The following SASH1 variants were observed in gnomAD, a reference collection of about 807,000 sequenced individuals.
SASH1 encodes the protein SAM and SH3 domain-containing protein 1.
In SASH1, 44 loss-of-function variants were observed where a neutral mutation model predicts 125.2. The ratio of observed to expected loss-of-function variants is 0.35; its 90% CI spans 0.28 to 0.45. The LOEUF is 0.45. SASH1 is among the 20% of genes least tolerant of loss of function. The probability of loss-of-function intolerance (pLI) is 1.00; values close to 1 mark genes in which losing one functional copy is unlikely to be tolerated. For missense variants in SASH1, 1,426 were observed against 1,614.5 expected (o/e 0.88, Z 2.00); for synonymous variants, 639 against 649.1 (o/e 0.98, Z 0.24).
the SASH1 span, among the ~76,000 whole-genome samples, chr6:148,225,956 T>G: frequency 6.6e-6 from 1 of 152,242 alleles, no homozygotes; most frequent in African/African-American, 2.4e-5. Context: ...GTTTAGCATT[T>G]TTGCTCTCAT....
chr6:148,220,381 C>G, the SASH1 span, among the ~76,000 whole-genome samples: 5 of 152,182 alleles, frequency 3.3e-5, no homozygotes, highest in East Asian at 9.6e-4. Context: ...TCTTGTAAGG[C>G]ACTAATCCAT....
At chr6:148,197,564 C>A in the SASH1 span, among the ~76,000 whole-genome samples, 12 of 152,346 alleles carry the variant, frequency 7.9e-5, no homozygotes, top group African/African-American at 2.4e-4. Context: ...CTCCTGCCAC[C>A]TGGAGCATTC....
chr6:148,443,143 GAAAAAAAAAAA>G (rs3035290), intron 4 of SASH1, among the ~76,000 whole-genome samples: 182 of 129,406 alleles, frequency 1.4e-3, no homozygotes, highest in African/African-American at 3.9e-3. Flanking sequence ...GCACTTTTTA[GAAAAAAAAAAA>G]AAAAAAAAAA....
chr6:148,242,264 AG>A, the SASH1 span, among the ~76,000 whole-genome samples: 19 of 152,244 alleles, frequency 1.2e-4, no homozygotes, highest in Non-Finnish European at 2.4e-4. Context: ...AGAAACAGAA[AG>A]GGTGGGAAAA....
Position 148,449,083 on chromosome 6 carries a change from T to TCTTTTTTTTTTTC in SASH1, c.386+8676_386+8677insCTTTTTTTTTTTC, listed in dbSNP as rs1554258784. On this transcript the variant is annotated intron_variant, in intron 4 of 19. Coordinates refer to ENST00000367467, the MANE Select transcript of SASH1 (RefSeq NM_015278.5). ...TGGCTAATTTCATTTCATTTCTTTT[T>TCTTTTTTTTTTTC]TTTTTTTTTTGGAGACAGAGTCTCA... is the stretch of plus-strand genomic sequence containing the variant. Among the ~76,000 whole-genome samples, 42 of 129,660 alleles carry TCTTTTTTTTTTTC rather than the reference T, an allele frequency of 3.2e-4. 1 individual carries two copies. The highest frequency in any genetic ancestry group is 4.1e-4 in the Non-Finnish European group (25 of 60,248). The allele number at this position is 129,660 out of a possible 152,430, so 85.1% of individuals were successfully genotyped here. A position where few individuals can be genotyped will look rare whatever the true frequency, so the allele number is the denominator to read the frequency against.
At chr6:148,363,379 T>C (rs1379552318) in intron 1 of SASH1, among the ~76,000 whole-genome samples, 3 of 151,998 alleles carry the variant, frequency 2.0e-5, no homozygotes, top group Non-Finnish European at 4.4e-5. Context: ...TGGGCTCCAA[T>C]GATGCGCCTG....
chr6:148,491,149 TATTTCAGCCTC>T lies in SASH1; in HGVS notation c.729+3435_729+3445del, dbSNP rs577034826. ...CTAGAATATCAAAATTGGTTGTACA[TATTTCAGCCTC>T]CTTGGAAATAGTGACCCCCTTGGGC... On this transcript the variant is annotated intron_variant, in intron 8 of 19. Transcript: ENST00000367467. Among the ~76,000 whole-genome samples, 8 of 152,378 alleles carry T rather than the reference TATTTCAGCCTC, an allele frequency of 5.3e-5. No individual in the cohort carries two copies. The South Asian group carries it at 1.2e-3, about 24-fold the overall frequency.
rs1169777728 is a variant in SASH1 at position 148,334,360 on chromosome 6, G to A, written n.75-55774G>A. On this transcript the variant is annotated intron_variant and non_coding_transcript_variant, in intron 1 of 3. Coordinates refer to the SASH1 transcript ENST00000367469. ...GGAGAATGGCGTGAACCCGGGAGGC[G>A]GAGCTTGCAGTGAGCCGAGATTGCG... Among the ~76,000 whole-genome samples the A allele has an allele frequency of 4.2e-5, 6 of 143,168 alleles. No homozygotes were observed. In the Admixed American group the frequency reaches 4.2e-4, roughly 10 times the overall value. The allele number at this position is 143,168 out of a possible 152,430, so 93.9% of individuals were successfully genotyped here.
chr6:148,351,211 T>C (rs1034809086), intron 1 of SASH1, among the ~76,000 whole-genome samples: 2 of 139,802 alleles, frequency 1.4e-5, no homozygotes, highest in South Asian at 2.4e-4. Context: ...TTTTTTTTTT[T>C]TTTCTGAAAG....
At chr6:148,309,196 G>C (rs929816297) in intron 1 of SASH1, among the ~76,000 whole-genome samples, 6 of 151,992 alleles carry the variant, frequency 3.9e-5, no homozygotes, top group African/African-American at 1.5e-4. Context: ...TATTCGGTGA[G>C]AACTGAAGGT....
intron 1 of SASH1, among the ~76,000 whole-genome samples, chr6:148,347,013 A>G (rs1781544760): frequency 6.6e-6 from 1 of 152,280 alleles, no homozygotes; most frequent in Admixed American, 6.5e-5. Flanking sequence ...TTTACTCCAT[A>G]GTTGGCAGAC....
At chr6:148,199,468 A>G in the SASH1 span, among the ~76,000 whole-genome samples, 1 of 152,122 alleles carries the variant, frequency 6.6e-6, no homozygotes, top group Non-Finnish European at 1.5e-5. Context: ...ACAGGATCCA[A>G]AAGGTTGGTA....
chr6:148,378,493 C>T (rs1018837788), intron 1 of SASH1, among the ~76,000 whole-genome samples: 5 of 152,098 alleles, frequency 3.3e-5, no homozygotes, highest in Non-Finnish European at 7.4e-5. Flanking sequence ...TAGCTGGGGC[C>T]GCAGGCGTGT....
chr6:148,493,594 C>G (rs1448242203), intron 8 of SASH1, among the ~76,000 whole-genome samples: 3 of 152,210 alleles, frequency 2.0e-5, no homozygotes, highest in Non-Finnish European at 4.4e-5. Flanking sequence ...ATATTGATGC[C>G]TGTCATGCCT....
At chr6:148,534,642 C>A in intron 15 of SASH1, 109 bp from the exon 16 acceptor site, 3 of 1,058,774 alleles carry the variant, frequency 2.8e-6, no homozygotes, top group Non-Finnish European at 4.4e-6. Flanking sequence ...TTTTGATTAG[C>A]CTGAAGGTGA....
At chr6:148,387,821 CT>C (rs1783534732) in intron 1 of SASH1, among the ~76,000 whole-genome samples, 1 of 150,856 alleles carries the variant, frequency 6.6e-6, no homozygotes, top group Non-Finnish European at 1.5e-5. Context: ...TTACTGCAAC[CT>C]TTGCCTCCCA....
intron 7 of SASH1, among the ~76,000 whole-genome samples, chr6:148,484,160 A>G (rs1319360877): frequency 2.0e-5 from 3 of 152,202 alleles, no homozygotes; most frequent in Non-Finnish European, 4.4e-5. Context: ...TCTTTATAGT[A>G]AGTACTAGTA....
At chr6:148,352,795 C>A (rs1487250919) in intron 1 of SASH1, among the ~76,000 whole-genome samples, 2 of 151,702 alleles carry the variant, frequency 1.3e-5, no homozygotes, top group Admixed American at 1.3e-4. Context: ...ATGGCGAAAC[C>A]CCACCTCCAC....
At chr6:148,385,788 G>A (rs1195065895) in intron 1 of SASH1, among the ~76,000 whole-genome samples, 1 of 152,132 alleles carries the variant, frequency 6.6e-6, no homozygotes, top group South Asian at 2.1e-4. Flanking sequence ...GAAAGGGCAC[G>A]GAAGCTCCGA....
Sources: gnomAD v4.1 joint callset for allele counts (sites outside exome capture counted in the v4.1 genomes callset) on GRCh38, gnomAD v4.1.1 for gene constraint, MANE v1.5 for transcripts, NCBI Gene and HGNC (gene_info 2026-07-23, HGNC 2026-07-21) for gene names.